ATAD2B: variants seen among roughly 807,000 people sequenced by gnomAD.
The protein encoded by ATAD2B is ATPase family AAA domain containing 2B.
In ATAD2B, 40 loss-of-function variants were observed where a neutral mutation model predicts 167.6. The ratio of observed to expected loss-of-function variants is 0.24; its 90% CI spans 0.19 to 0.31. The LOEUF (loss-of-function observed/expected upper bound fraction) is 0.31, where lower values mean the gene tolerates loss of function less well. ATAD2B is among the 10% of genes least tolerant of loss of function. The pLI, the probability that ATAD2B is intolerant of heterozygous loss-of-function variation, is 1.00. For missense variants in ATAD2B, 1,242 were observed against 1,757.2 expected, an observed-to-expected ratio of 0.71 and a Z score of 5.24; for synonymous variants, 579 against 596.5, an observed-to-expected ratio of 0.97 and a Z score of 0.43.
chr2:23,762,455 T>A, intron 23 of ATAD2B, 109 bp from the exon 24 acceptor site: 1 of 1,170,520 alleles, frequency 8.5e-7, no homozygotes, highest in Non-Finnish European at 1.2e-6. Context: ...TCATTAATTA[T>A]ACTAGGGCAG....
intron 1 of ATAD2B, chr2:23,900,669 C>T (rs17711796): frequency 0.41 from 61,814 of 152,022 alleles, 13,693 homozygotes; most frequent in East Asian, 0.77. Flanking sequence ...GACGTAGTCA[C>T]TGGACCGCCT....
chr2:23,880,664 C>T lies in ATAD2B; in HGVS notation c.876G>A (p.Val292=). The change falls in exon 7 of 28, where the codon GTG becomes GTA. Residue 292 remains valine (V), a synonymous_variant. Transcript: ENST00000238789. ...CTATTGGAGGTGCTTGGTATCGATC[C>T]ACTGTTTTTCTCTGTCTCAAATTAT... ...RPYNLRQRKT[V]DRYQAPPIVP... The T allele has an allele frequency of 6.2e-7, 1 of 1,606,184 alleles. No homozygotes were observed. The highest frequency in any genetic ancestry group is 8.5e-7 in the Non-Finnish European group (1 of 1,175,468).
the ATAD2B span, chr2:23,691,804 G>A: frequency 4.8e-5 from 74 of 1,551,546 alleles, no homozygotes; most frequent in Non-Finnish European, 5.8e-5. Context: ...CTCGGCCAAC[G>A]CCAAGACACT....
intron 11 of ATAD2B, 48 bp downstream of exon 11, chr2:23,864,761 G>T: frequency 1.2e-6 from 1 of 854,230 alleles, no homozygotes; most frequent in South Asian, 2.0e-5. Context: ...AATAACATTT[G>T]AGAAAGTAAC....
the ATAD2B span, among the ~76,000 whole-genome samples, chr2:23,684,094 C>T: frequency 1.3e-5 from 2 of 152,230 alleles, no homozygotes; most frequent in South Asian, 4.1e-4. The surrounding 1 kb of genome is among the most constrained non-coding windows in gnomAD (Gnocchi z 4.4). Context: ...TGTTTCCAAT[C>T]GTCAGTATGG....
the ATAD2B span, chr2:23,696,403 C>T: frequency 7.1e-6 from 11 of 1,551,326 alleles, no homozygotes; most frequent in East Asian, 2.0e-4. The surrounding 1 kb of genome is among the most constrained non-coding windows in gnomAD (Gnocchi z 5.5). Context: ...ACTGGAACCT[C>T]GTCTCCAGAA....
intron 7 of ATAD2B, among the ~76,000 whole-genome samples, chr2:23,877,690 C>T (rs555471774): frequency 4.3e-4 from 64 of 149,500 alleles, no homozygotes; most frequent in Non-Finnish European, 9.1e-4. Context: ...TGGCCAAGAT[C>T]GTGAAACCCC....
the ATAD2B span, among the ~76,000 whole-genome samples, chr2:23,742,787 A>T: frequency 2.6e-5 from 4 of 152,294 alleles, no homozygotes; most frequent in African/African-American, 7.2e-5. Context: ...TAAATACCAA[A>T]GTAAAAATTA....
chr2:23,909,336 G>C (rs906434324), intron 1 of ATAD2B, among the ~76,000 whole-genome samples: 9 of 151,814 alleles, frequency 5.9e-5, no homozygotes, highest in Admixed American at 4.6e-4. Context: ...TTGAGTCTAG[G>C]AGGTCAAGGC....
At chr2:23,759,198 T>C (rs1676328536) in intron 24 of ATAD2B, among the ~76,000 whole-genome samples, 2 of 152,242 alleles carry the variant, frequency 1.3e-5, no homozygotes, top group South Asian at 4.1e-4. Context: ...AGTATCAGAA[T>C]AAAAATATTC....
chr2:23,841,784 G>A (rs1690955682), intron 13 of ATAD2B, among the ~76,000 whole-genome samples: 1 of 152,108 alleles, frequency 6.6e-6, no homozygotes, highest in Non-Finnish European at 1.5e-5. Context: ...CCAAACTGCT[G>A]GAATTACAAG....
chr2:23,797,660 G>C (rs916823277), intron 19 of ATAD2B, among the ~76,000 whole-genome samples: 11 of 151,920 alleles, frequency 7.2e-5, no homozygotes, highest in Admixed American at 1.3e-4. Flanking sequence ...GATTATCTTG[G>C]GGATGGGATC....
At chr2:23,845,831 C>T (rs1691700763) in intron 13 of ATAD2B, among the ~76,000 whole-genome samples, 2 of 147,478 alleles carry the variant, frequency 1.4e-5, no homozygotes, top group African/African-American at 5.0e-5. Flanking sequence ...CTGCCTGCCT[C>T]AGCCTCTCAA....
At chr2:23,738,535 A>G in the ATAD2B span, among the ~76,000 whole-genome samples, 1 of 152,210 alleles carries the variant, frequency 6.6e-6, no homozygotes, top group Non-Finnish European at 1.5e-5. Flanking sequence ...GCCCTAAAAG[A>G]GCTCCTGAAG....
chr2:23,851,434 C>T (rs1052137070), intron 13 of ATAD2B, among the ~76,000 whole-genome samples: 46 of 152,278 alleles, frequency 3.0e-4, no homozygotes, highest in Admixed American at 2.7e-3. Context: ...AGCCACTGTG[C>T]CCAGTCATGA....
rs1680256854 is a variant in ATAD2B at position 23,782,804 on chromosome 2, G to C, written c.3133+65C>G. 5 of 1,363,300 alleles carry C rather than the reference G, an allele frequency of 3.7e-6. No homozygotes were observed. In the South Asian group the frequency reaches 6.4e-5, roughly 18 times the overall value. 84.5% of individuals were successfully genotyped at this position (1,363,300 alleles called of 1,614,324 possible). A position where few individuals can be genotyped will look rare whatever the true frequency, so the allele number is the denominator to read the frequency against. On this transcript the variant is annotated intron_variant, in intron 22 of 27. Coordinates refer to ENST00000238789, the MANE Select transcript of ATAD2B (RefSeq NM_017552.4). ...CTATCTAGAACACAGGCATGACTTA[G>C]TATTTAAACGGTAAACTGTCTTCTG...
At position 23,867,828 on chromosome 2, in the gene ATAD2B, A is replaced by T. The variant is rs1695371927; in HGVS notation, c.1188+7T>A. 1 of 1,581,118 alleles carries T rather than the reference A, an allele frequency of 6.3e-7. No homozygotes were observed. Among genetic ancestry groups the T allele is most frequent in the Admixed American group, 1.8e-5 (1 of 54,618 alleles). Reference sequence around the variant, plus strand: ...AAAACTTCTAGAAAAACATTTACAAAACTTACTGATTTATCAATGTTCATT... The same window carrying T: ...AAAACTTCTAGAAAAACATTTACAATACTTACTGATTTATCAATGTTCATT... On this transcript the variant is annotated splice_region_variant and intron_variant, in intron 10 of 27. Coordinates refer to ENST00000238789, the MANE Select transcript of ATAD2B (RefSeq NM_017552.4).
the ATAD2B span, among the ~76,000 whole-genome samples, chr2:23,682,813 C>A: frequency 0.044 from 6,626 of 152,220 alleles, 207 homozygotes; most frequent in East Asian, 0.16. This position sits in a 1 kb window ranked among gnomAD's most constrained non-coding sequence, Gnocchi z 4.1. Context: ...CAGCCAGAGC[C>A]CCCTTCCGCA....
chr2:23,924,169 G>A (rs994998947), intron 1 of ATAD2B, among the ~76,000 whole-genome samples: 11 of 152,156 alleles, frequency 7.2e-5, no homozygotes, highest in Non-Finnish European at 1.2e-4. Flanking sequence ...GGGCTACAGC[G>A]AGACTCCGTC....
Sources: gnomAD v4.1 joint callset for allele counts (sites outside exome capture counted in the v4.1 genomes callset) on GRCh38, gnomAD v4.1.1 for gene constraint, Gnocchi (gnomAD v3.1) non-coding constraint, MANE v1.5 for transcripts, NCBI Gene and HGNC (gene_info 2026-07-23, HGNC 2026-07-21) for gene names.